Variants in UPP1 observed in about 807,000 individuals in gnomAD.
The protein encoded by UPP1 is uridine phosphorylase 1.
UPP1 carries 25 observed loss-of-function variants against 29.6 expected under a neutral mutation model. The ratio of observed to expected loss-of-function variants is 0.85; its 90% CI spans 0.62 to 1.18. UPP1 has a LOEUF of 1.18. UPP1 is among the 50% of genes most tolerant of loss of function. UPP1 has a pLI of 0.00. For synonymous variants in UPP1, 165 were observed against 159.8 expected, an observed-to-expected ratio of 1.03 and a Z score of -0.25; for missense variants, 368 against 410.4, an observed-to-expected ratio of 0.90 and a Z score of 0.89.
chr7:48,100,682 A>T (rs1336079993), intron 4 of UPP1, among the ~76,000 whole-genome samples: 1 of 152,230 alleles, frequency 6.6e-6, no homozygotes, highest in Non-Finnish European at 1.5e-5. Context: ...GCTAGAATCC[A>T]GTGCTGCTAC....
chr7:48,098,716 A>G (rs995219626), intron 3 of UPP1, among the ~76,000 whole-genome samples: 2 of 152,216 alleles, frequency 1.3e-5, no homozygotes, highest in Non-Finnish European at 2.9e-5. Flanking sequence ...GCAGAAAGTC[A>G]GACTCAGAAG....
chr7:48,099,023 CA>C (rs139067566), intron 3 of UPP1, among the ~76,000 whole-genome samples: 3,537 of 152,256 alleles, frequency 0.023, 151 homozygotes, highest in African/African-American at 0.081. Flanking sequence ...ATGCAGCCTG[CA>C]AAACCACATG....
Position 48,101,971 on chromosome 7 carries a change from C to T in UPP1, c.310C>T (p.Leu104=), listed in dbSNP as rs536885743. Residue 104 remains leucine (L), a synonymous_variant, in exon 5 of 9, where the codon CTG becomes TTG. Coordinates refer to ENST00000395564, the MANE Select transcript of UPP1 (RefSeq NM_003364.4). The part of the protein sequence containing the change: ...RYAMYKVGPV[L]SVSHGMGIPS... ...TGCCATGTATAAAGTAGGACCGGTG[C>T]TGTCTGTCAGTGTGAGTACCTGCCT... 19 of 1,613,594 alleles carry T rather than the reference C, an allele frequency of 1.2e-5. No homozygotes were observed. The East Asian group carries it at 4.2e-4, about 36-fold the overall frequency.
At chr7:48,102,310 G>A (rs1460886490) in intron 5 of UPP1, among the ~76,000 whole-genome samples, 1 of 152,158 alleles carries the variant, frequency 6.6e-6, no homozygotes, top group Non-Finnish European at 1.5e-5. Flanking sequence ...AGGATGGAAG[G>A]AGAGCCTCAA....
chr7:48,099,686 C>G lies in UPP1; in HGVS notation c.61C>G (p.Leu21Val). ...TTTTAACAGTGATTGCCCCGTCAGA[C>G]TTTTAAATCCAAACATAGCAAAAAT... is the stretch of plus-strand genomic sequence containing the variant. ...AESHNDCPVR[L>V]LNPNIAKMKE... Residue 21 changes from leucine (L) to valine (V), a missense_variant, in exon 4 of 9, where the codon CTT becomes GTT. Transcript: ENST00000395564. 1 of 1,612,530 alleles carries G rather than the reference C, an allele frequency of 6.2e-7. No individual in the cohort carries two copies. The highest frequency in any genetic ancestry group is 8.5e-7 in the Non-Finnish European group (1 of 1,178,684).
chr7:48,093,775 C>T (rs566829906), intron 2 of UPP1, among the ~76,000 whole-genome samples: 99 of 152,248 alleles, frequency 6.5e-4, no homozygotes, highest in Admixed American at 1.2e-3. Flanking sequence ...TATGGTGGTC[C>T]CCTGTCCCCG....
At chr7:48,106,650 C>G (rs1258240124) in intron 6 of UPP1, 1 of 521,120 alleles carries the variant, frequency 1.9e-6, no homozygotes, top group Non-Finnish European at 3.5e-6. Flanking sequence ...TCCATAGTGT[C>G]CATAATGATC....
intron 2 of UPP1, among the ~76,000 whole-genome samples, chr7:48,093,399 C>T (rs1282598152): frequency 6.6e-6 from 1 of 152,246 alleles, no homozygotes; most frequent in Admixed American, 6.5e-5. Flanking sequence ...AGCTTCACTT[C>T]ACAGACTCCT....
At chr7:48,103,202 G>T in intron 5 of UPP1, 95 bp from the exon 6 acceptor site, 1 of 861,042 alleles carries the variant, frequency 1.2e-6, no homozygotes, top group South Asian at 1.4e-5. Flanking sequence ...ATGTCAATGG[G>T]CATGTTAGAT....
At chr7:48,094,997 T>G (rs1792050907) in intron 3 of UPP1, among the ~76,000 whole-genome samples, 170 bp downstream of exon 3, 1 of 152,234 alleles carries the variant, frequency 6.6e-6, no homozygotes, top group Non-Finnish European at 1.5e-5. Flanking sequence ...GTACATTAGA[T>G]GGTTAAAGAC....
chr7:48,099,667 C>T lies in UPP1; in HGVS notation c.45-3C>T, dbSNP rs1792312772. The T allele has an allele frequency of 6.3e-7, 1 of 1,598,528 alleles. No homozygotes were observed. Among genetic ancestry groups the T allele is most frequent in the Admixed American group, 1.7e-5 (1 of 59,928 alleles). ...AGCCTTCCACTTTCTTGTTTTTTAA[C>T]AGTGATTGCCCCGTCAGACTTTTAA... On this transcript the variant is annotated splice_polypyrimidine_tract_variant and splice_region_variant and intron_variant, in intron 3 of 8. Transcript: ENST00000395564.
chr7:48,103,263 T>G (rs1792532326), intron 5 of UPP1, 34 bp from the exon 6 acceptor site: 3 of 1,546,782 alleles, frequency 1.9e-6, no homozygotes, highest in Non-Finnish European at 2.7e-6. Flanking sequence ...AGTCACAACC[T>G]TGGCTTAACA....
chr7:48,101,549 G>A (rs901158644), intron 4 of UPP1, among the ~76,000 whole-genome samples: 2 of 152,062 alleles, frequency 1.3e-5, no homozygotes, highest in African/African-American at 4.8e-5. Context: ...CACAGGACCT[G>A]GAATTACCTC....
chr7:48,105,853 T>C (rs905152870), intron 6 of UPP1: 9 of 152,338 alleles, frequency 5.9e-5, no homozygotes, highest in Non-Finnish European at 1.3e-4. Context: ...CATTTAGGGT[T>C]AGGATTTCAG....
chr7:48,107,794 C>T (rs959777115), intron 8 of UPP1, among the ~76,000 whole-genome samples: 6 of 152,180 alleles, frequency 3.9e-5, no homozygotes, highest in Non-Finnish European at 7.3e-5. Context: ...ATAAAAAACT[C>T]GGCTTTCAAA....
chr7:48,108,030 TC>T (rs1209464352), intron 8 of UPP1, among the ~76,000 whole-genome samples, 187 bp from the exon 9 acceptor site: 2 of 152,136 alleles, frequency 1.3e-5, no homozygotes, highest in Admixed American at 1.3e-4. Flanking sequence ...GGAGGAGTCT[TC>T]CGAGCCCCTG....
intron 3 of UPP1, among the ~76,000 whole-genome samples, chr7:48,096,184 C>T (rs546433290): frequency 2.6e-5 from 4 of 152,208 alleles, no homozygotes; most frequent in South Asian, 2.1e-4. Flanking sequence ...CCTCCCCTTC[C>T]CTCTCTTCAG....
Position 48,099,737 on chromosome 7 carries a change from A to G in UPP1, c.112A>G (p.Asn38Asp), listed in dbSNP as rs761303506. The change falls in exon 4 of 9, where the codon AAT (asparagine) becomes GAT (aspartate). Residue 38 changes from asparagine to aspartate, a missense_variant. Transcript: ENST00000395564. Reference protein sequence around the residue: ...KMKEDILYHFNLTTSRHNFPA... With the variant: ...KMKEDILYHFDLTTSRHNFPA... Reference sequence around the variant, plus strand: ...GAAAGAAGATATTCTCTATCATTTCAATCTCACCACTAGCAGACACAATTT... The same window carrying G: ...GAAAGAAGATATTCTCTATCATTTCGATCTCACCACTAGCAGACACAATTT... 7 of 1,614,004 alleles carry G rather than the reference A, an allele frequency of 4.3e-6. No homozygotes were observed. The South Asian group carries it at 6.6e-5, about 15-fold the overall frequency.
intron 3 of UPP1, among the ~76,000 whole-genome samples, chr7:48,097,029 T>C (rs1196988174): frequency 6.6e-5 from 10 of 152,190 alleles, no homozygotes; most frequent in Non-Finnish European, 1.3e-4. Flanking sequence ...ATATTTCTTT[T>C]ACATGGTAGA....
Sources: gnomAD v4.1 joint callset for allele counts (sites outside exome capture counted in the v4.1 genomes callset) on GRCh38, gnomAD v4.1.1 for gene constraint, MANE v1.5 for transcripts, NCBI Gene and HGNC (gene_info 2026-07-23, HGNC 2026-07-21) for gene names.